The following OSTM1 variants were observed in gnomAD, a reference collection of about 807,000 sequenced individuals.
The protein encoded by OSTM1 is osteopetrosis-associated transmembrane protein 1.
OSTM1 carries 26 observed loss-of-function variants against 35.4 expected under a neutral mutation model. The observed-to-expected ratio is 0.73, with a 90% confidence interval of 0.54 to 1.02. OSTM1 has a LOEUF of 1.02. Among genes scored for constraint, OSTM1 ranks in the 50% least tolerant of loss-of-function variants. OSTM1 has a pLI of 0.00. For synonymous variants in OSTM1, 181 were observed against 165.0 expected, an observed-to-expected ratio of 1.10 and a Z score of -0.75; for missense variants, 366 against 409.6, an observed-to-expected ratio of 0.89 and a Z score of 0.92.
At chr6:108,052,289 C>A (rs369515997) in intron 3 of OSTM1, among the ~76,000 whole-genome samples, 3 of 151,998 alleles carry the variant, frequency 2.0e-5, no homozygotes, top group African/African-American at 7.2e-5. Flanking sequence ...AAAACTTAGC[C>A]GGGCGTGGTG....
At position 108,055,419 on chromosome 6, in the gene OSTM1, T is replaced by A. The variant is rs1358690687; in HGVS notation, c.518-832A>T. On this transcript the variant is annotated intron_variant, in intron 2 of 5. Coordinates refer to ENST00000193322, the MANE Select transcript of OSTM1 (RefSeq NM_014028.4). The stretch of plus-strand genomic sequence containing the variant: ...GCAGACTTGAACTCCTGGGCGCAAG[T>A]GATGTTCCCACCTCAACCTTCCAAA... Among the ~76,000 whole-genome samples, 12 of 152,190 alleles carry A rather than the reference T, an allele frequency of 7.9e-5. No homozygotes were observed. The East Asian group carries it at 2.1e-3, about 27-fold the overall frequency.
intron 2 of OSTM1, among the ~76,000 whole-genome samples, chr6:108,062,991 C>T (rs938333997): frequency 9.0e-5 from 1 of 11,078 alleles, no homozygotes; most frequent in South Asian, 2.6e-3. Context: ...CTGTGACTAC[C>T]TGCAATGTCC....
chr6:108,072,548 A>T (rs1772502456), intron 1 of OSTM1, among the ~76,000 whole-genome samples: 1 of 151,748 alleles, frequency 6.6e-6, no homozygotes, highest in Non-Finnish European at 1.5e-5. Context: ...CAGGAGAATC[A>T]CTTGAACCCA....
At position 108,074,596 on chromosome 6, in the gene OSTM1, G is replaced by T; in HGVS notation, c.56C>A (p.Pro19Gln). 4 of 1,564,876 alleles carry T rather than the reference G, an allele frequency of 2.6e-6. No homozygotes were observed. Among genetic ancestry groups the T allele is most frequent in the Non-Finnish European group, 3.4e-6 (4 of 1,160,384 alleles). The change falls in exon 1 of 6, where the codon CCG becomes CAG. Residue 19 changes from proline (P) to glutamine (Q), a missense_variant. Physicochemically the swap from Pro to Gln is moderately conservative, Grantham distance 76. Coordinates refer to ENST00000193322, the MANE Select transcript of OSTM1 (RefSeq NM_014028.4). ...CCCCGACCACAGCAGCAGCCCCAGC[G>T]GCAGCCACGGCGGCAACGAACACCT... is the stretch of plus-strand genomic sequence containing the variant. ...QRRCSLPPWL[P>Q]LGLLLWSGLA...
At position 108,074,300 on chromosome 6, in the gene OSTM1, G is replaced by C. The variant is rs1268333803; in HGVS notation, c.352C>G (p.Leu118Val). Residue 118 changes from leucine to valine, a missense_variant, in exon 1 of 6, where the codon CTC (leucine) becomes GTC (valine). By Grantham distance (32) the Leu-to-Val change is conservative (BLOSUM62 1). Transcript: ENST00000193322. ...ATCTTGCTGACGACCTGTTGGAAGA[G>C]GGGGTAGCAGGTCTGACAGAGGCGC... Reference protein sequence around the residue: ...PVRLCQTCYPLFQQVVSKMDN... With the variant: ...PVRLCQTCYPVFQQVVSKMDN... The C allele has an allele frequency of 1.2e-6, 2 of 1,612,400 alleles. No homozygotes were observed. Among genetic ancestry groups the C allele is most frequent in the Non-Finnish European group, 1.7e-6 (2 of 1,179,934 alleles).
At chr6:108,046,633 C>A (rs941583107) in intron 5 of OSTM1, among the ~76,000 whole-genome samples, 1 of 152,162 alleles carries the variant, frequency 6.6e-6, no homozygotes, top group South Asian at 2.1e-4. Context: ...GCGTGAGCCA[C>A]CGCGCCCGGC....
chr6:108,045,511 A>AC (rs1562368589), intron 5 of OSTM1, among the ~76,000 whole-genome samples: 2 of 151,852 alleles, frequency 1.3e-5, no homozygotes, highest in Admixed American at 6.6e-5. Flanking sequence ...AAAAAAAAAA[A>AC]CAAAAACATT....
chr6:108,061,149 A>G (rs1298738802), intron 2 of OSTM1, among the ~76,000 whole-genome samples: 2 of 152,114 alleles, frequency 1.3e-5, no homozygotes, highest in Non-Finnish European at 2.9e-5. Flanking sequence ...ATATGCTAAA[A>G]AAAAAAGTTG....
At chr6:108,045,741 A>G (rs752096116) in intron 5 of OSTM1, among the ~76,000 whole-genome samples, 44 of 152,196 alleles carry the variant, frequency 2.9e-4, no homozygotes, top group Middle Eastern at 3.2e-3. Flanking sequence ...TTGGCTTGGT[A>G]ATATGTTTTG....
In OSTM1 at chr6:108,054,842, C is replaced by T. The variant is rs75259931; in HGVS notation, c.518-255G>A. Reference sequence around the variant, plus strand: ...ATATACCAAATAAAATTCAAATGGACTTTTGATGGCACAAGGTCATAATCA... The same window carrying T: ...ATATACCAAATAAAATTCAAATGGATTTTTGATGGCACAAGGTCATAATCA... On this transcript the variant is annotated intron_variant, in intron 2 of 5. Transcript: ENST00000193322. Among the ~76,000 whole-genome samples, 7,257 of 152,192 alleles carry T rather than the reference C, an allele frequency of 0.048. 270 individuals carry two copies. The highest frequency in any genetic ancestry group is 0.1 in the African/African-American group (4,281 of 41,488).
intron 1 of OSTM1, chr6:108,073,936 C>A (rs1378464675): frequency 2.3e-6 from 1 of 431,896 alleles, no homozygotes; most frequent in African/African-American, 2.0e-5. Flanking sequence ...CCTGGCAACT[C>A]CAGGTGAAGA....
At chr6:108,051,003 T>C (rs1772065155) in intron 4 of OSTM1, 28 bp downstream of exon 4, 2 of 1,553,976 alleles carry the variant, frequency 1.3e-6, no homozygotes, top group Non-Finnish European at 8.9e-7. Flanking sequence ...CTCTAAAATA[T>C]GTATCACATC....
intron 5 of OSTM1, among the ~76,000 whole-genome samples, chr6:108,047,010 T>C (rs1330447798): frequency 6.6e-6 from 1 of 152,194 alleles, no homozygotes; most frequent in Non-Finnish European, 1.5e-5. Flanking sequence ...TAACGGTGAA[T>C]TTCAACACCT....
intron 3 of OSTM1, 133 bp downstream of exon 3, chr6:108,054,357 A>G: frequency 2.2e-6 from 1 of 454,588 alleles, no homozygotes. Context: ...AAGAGCAGAA[A>G]TCCAGGTCCA....
chr6:108,045,582 A>G (rs533799131), intron 5 of OSTM1, among the ~76,000 whole-genome samples: 8 of 152,260 alleles, frequency 5.3e-5, no homozygotes, highest in African/African-American at 1.7e-4. Context: ...TTGTAAAAAA[A>G]AAATTTTAAT....
intron 2 of OSTM1, among the ~76,000 whole-genome samples, chr6:108,055,980 A>G (rs1196241878): frequency 6.6e-6 from 1 of 152,206 alleles, no homozygotes; most frequent in Non-Finnish European, 1.5e-5. Flanking sequence ...TGGAAAGACA[A>G]CATGCAAAGC....
intron 1 of OSTM1, among the ~76,000 whole-genome samples, chr6:108,069,078 C>A (rs751697732): frequency 6.6e-6 from 1 of 152,174 alleles, no homozygotes; most frequent in African/African-American, 2.4e-5. Flanking sequence ...ATTCTACCTA[C>A]CCCCCAGTCA....
chr6:108,064,925 A>G (rs1772350250), intron 1 of OSTM1, among the ~76,000 whole-genome samples: 1 of 152,186 alleles, frequency 6.6e-6, no homozygotes, highest in Non-Finnish European at 1.5e-5. Flanking sequence ...AGAGGGAGAA[A>G]AGGAAGAATT....
At chr6:108,050,324 G>A (rs1168452946) in intron 4 of OSTM1, among the ~76,000 whole-genome samples, 1 of 149,368 alleles carries the variant, frequency 6.7e-6, no homozygotes, top group African/African-American at 2.4e-5. Context: ...ATTGAGGAAT[G>A]GCTTCTGAAA....
Sources: allele counts gnomAD v4.1 joint callset (sites outside exome capture counted in the v4.1 genomes callset), GRCh38; gene constraint gnomAD v4.1.1; transcripts MANE v1.5; gene names NCBI Gene and HGNC (gene_info 2026-07-23, HGNC 2026-07-21).